Variants in EBF1 observed in about 807,000 individuals in gnomAD.
The protein encoded by EBF1 is transcription factor COE1.
Under a neutral mutation model 68.4 loss-of-function variants are expected in EBF1, and 10 were observed. The ratio of observed to expected loss-of-function variants is 0.15; its 90% confidence interval spans 0.09 to 0.25. The LOEUF (loss-of-function observed/expected upper bound fraction) is 0.25, where lower values mean the gene tolerates loss of function less well. Ranked by LOEUF, EBF1 falls within the 10% of genes least tolerant of loss-of-function variation. The pLI is 1.00. For synonymous variants in EBF1, 298 were observed against 299.8 expected (o/e 0.99, Z 0.06); for missense variants, 509 against 794.4 (o/e 0.64, Z 4.32).
chr5:159,099,059 A>T (rs1584615598), intron 1 of EBF1, among the ~76,000 whole-genome samples: 1 of 152,328 alleles, frequency 6.6e-6, no homozygotes, highest in Non-Finnish European at 1.5e-5. Flanking sequence ...CTGTGTTGAG[A>T]CGCCTCTTCT....
chr5:158,750,702 A>G (rs1042511696), intron 10 of EBF1, among the ~76,000 whole-genome samples: 2 of 152,110 alleles, frequency 1.3e-5, no homozygotes, highest in Non-Finnish European at 2.9e-5. Context: ...TTTATAGTGC[A>G]AATAATAAAA....
chr5:159,096,035 A>G (rs571605852), intron 3 of EBF1, among the ~76,000 whole-genome samples: 1 of 152,356 alleles, frequency 6.6e-6, no homozygotes, highest in African/African-American at 2.4e-5. Context: ...CCAAGGGGCC[A>G]TGGGCCTGCA....
At chr5:158,994,281 A>G (rs769606556) in intron 6 of EBF1, among the ~76,000 whole-genome samples, 7 of 152,260 alleles carry the variant, frequency 4.6e-5, no homozygotes, top group Non-Finnish European at 7.3e-5. Flanking sequence ...CTAATTTTCT[A>G]TAAGTACAAT....
chr5:158,752,317 G>C (rs1319202448), intron 10 of EBF1, among the ~76,000 whole-genome samples: 1 of 124,004 alleles, frequency 8.1e-6, no homozygotes, highest in Non-Finnish European at 1.7e-5. Context: ...AGGGGAAAAA[G>C]TATTTATTCC....
At chr5:158,946,125 A>G (rs1814625118) in intron 6 of EBF1, among the ~76,000 whole-genome samples, 2 of 152,108 alleles carry the variant, frequency 1.3e-5, no homozygotes, top group Admixed American at 1.3e-4. Flanking sequence ...ATTGGGTTAG[A>G]ACATGCTCCT....
chr5:158,765,331 T>A (rs1223208073), intron 10 of EBF1, among the ~76,000 whole-genome samples: 1 of 151,836 alleles, frequency 6.6e-6, no homozygotes, highest in African/African-American at 2.4e-5. Flanking sequence ...GCTCAAAGAG[T>A]CATCCTGGCC....
At chr5:158,819,310 G>A (rs1003153124) in intron 8 of EBF1, among the ~76,000 whole-genome samples, 5 of 152,106 alleles carry the variant, frequency 3.3e-5, no homozygotes, top group African/African-American at 1.2e-4. Flanking sequence ...CACTTCTCCC[G>A]GCATTCTATG....
At chr5:159,025,148 C>T (rs886883583) in intron 6 of EBF1, among the ~76,000 whole-genome samples, 1 of 152,220 alleles carries the variant, frequency 6.6e-6, no homozygotes, top group Non-Finnish European at 1.5e-5. Context: ...ATCTATCTGA[C>T]CTTCCTTTCC....
chr5:159,013,772 AT>A (rs1356302385), intron 6 of EBF1, among the ~76,000 whole-genome samples: 2 of 152,186 alleles, frequency 1.3e-5, no homozygotes, highest in African/African-American at 2.4e-5. Flanking sequence ...AACTGAAGGC[AT>A]AACACTCTCT....
In EBF1 at chr5:158,952,760, C is replaced by T. The variant is rs1171579763; in HGVS notation, c.555-112650G>A. Among the ~76,000 whole-genome samples, 3 of 152,100 alleles carry T rather than the reference C, an allele frequency of 2.0e-5. No individual in the cohort carries two copies. In the East Asian group the frequency reaches 5.8e-4, roughly 29 times the overall value. On this transcript the variant is annotated intron_variant, in intron 6 of 15. Transcript: ENST00000313708. ...CATTTTTTTTCTTACCTAAAAGTTG[C>T]TTCGTGTGCCCTAAAAGGGAAAATT...
intron 6 of EBF1, among the ~76,000 whole-genome samples, chr5:158,890,938 C>G (rs111466333): frequency 6.6e-6 from 1 of 152,130 alleles, no homozygotes; most frequent in East Asian, 1.9e-4. Flanking sequence ...TGTTTTCTTC[C>G]CCTTGCCTGA....
Position 158,714,298 on chromosome 5 carries a change from C to T in EBF1, c.1126-116G>A. 5 of 1,200,330 alleles carry T rather than the reference C, an allele frequency of 4.2e-6. No individual in the cohort carries two copies. The South Asian group carries it at 6.4e-5, about 15-fold the overall frequency. 74.4% of individuals were successfully genotyped at this position (1,200,330 alleles called of 1,614,324 possible). ...CTTTGCCAAGGCACTGCTATAAAGG[C>T]CGTAGCTTGGGGAACCCCAGAAGGG... On this transcript the variant is annotated intron_variant, in intron 11 of 15. Transcript: ENST00000313708.
intron 6 of EBF1, among the ~76,000 whole-genome samples, chr5:158,884,143 A>G (rs1799519543): frequency 6.6e-6 from 1 of 152,234 alleles, no homozygotes; most frequent in Non-Finnish European, 1.5e-5. Context: ...CACTGTTGTC[A>G]TATTTTCAGA....
intron 6 of EBF1, among the ~76,000 whole-genome samples, chr5:159,002,407 C>T (rs1412030335): frequency 6.6e-6 from 1 of 152,192 alleles, no homozygotes; most frequent in Non-Finnish European, 1.5e-5. Flanking sequence ...GTTAGCCTGA[C>T]ATATACCTCG....
At chr5:158,836,993 T>G in intron 7 of EBF1, among the ~76,000 whole-genome samples, 1 of 152,204 alleles carries the variant, frequency 6.6e-6, no homozygotes, top group Non-Finnish European at 1.5e-5. Flanking sequence ...GTATGGACTT[T>G]GTGCTGGGCA....
At chr5:158,731,975 C>CT (rs1212095842) in intron 10 of EBF1, among the ~76,000 whole-genome samples, 4 of 152,184 alleles carry the variant, frequency 2.6e-5, no homozygotes, top group Admixed American at 6.5e-5. Context: ...GGACTCTGGT[C>CT]TATCATTTTC....
chr5:159,034,645 C>T (rs1280925422), intron 6 of EBF1, among the ~76,000 whole-genome samples: 1 of 152,170 alleles, frequency 6.6e-6, no homozygotes, highest in Non-Finnish European at 1.5e-5. Flanking sequence ...CCTGTACCAT[C>T]GCTTTACACA....
chr5:158,946,768 T>C (rs1269587092), intron 6 of EBF1, among the ~76,000 whole-genome samples: 1 of 152,222 alleles, frequency 6.6e-6, no homozygotes. Context: ...CGTTTAAGTC[T>C]GCTGAAGCTG....
chr5:158,956,459 A>G (rs1417776263), intron 6 of EBF1, among the ~76,000 whole-genome samples: 1 of 151,814 alleles, frequency 6.6e-6, no homozygotes, highest in African/African-American at 2.4e-5. Context: ...GCACGCACAC[A>G]TAGACACACA....
Sources: allele counts gnomAD v4.1 joint callset (sites outside exome capture counted in the v4.1 genomes callset), GRCh38; gene constraint gnomAD v4.1.1; transcripts MANE v1.5; gene names NCBI Gene and HGNC (gene_info 2026-07-23, HGNC 2026-07-21).